EDRF1: variants seen among roughly 807,000 people sequenced by gnomAD.
EDRF1 encodes erythroid differentiation-related factor 1.
Under a neutral mutation model 148.7 loss-of-function variants are expected in EDRF1, and 69 were observed. That is an observed-to-expected ratio of 0.46 (90% CI 0.38 to 0.57). The LOEUF (loss-of-function observed/expected upper bound fraction) is 0.57, where lower values mean the gene tolerates loss of function less well. Among genes scored for constraint, EDRF1 ranks in the 20% least tolerant of loss-of-function variants. EDRF1 has a pLI of 0.00. For synonymous variants in EDRF1, 515 were observed against 532.8 expected, an observed-to-expected ratio of 0.97 and a Z score of 0.46; for missense variants, 1,118 against 1,478.7, an observed-to-expected ratio of 0.76 and a Z score of 4.00.
In EDRF1 at chr10:125,733,659, T is replaced by C. The variant is rs1464716625; in HGVS notation, c.1301T>C (p.Leu434Pro). Residue 434 changes from leucine to proline, a missense_variant, in exon 11 of 25, where the codon CTC (leucine) becomes CCC (proline). Leu to Pro is a moderately conservative substitution (Grantham distance 98). This residue lies in a region of EDRF1 where 954 missense variants were observed against 1,241.4 expected (regional missense o/e 0.77). Coordinates refer to ENST00000356792, the MANE Select transcript of EDRF1 (RefSeq NM_001202438.2). ...GCAAGTGGCAGCGATATAGTGAAGC[T>C]CTATGACCTCACTACTCTTTGTGAA... The part of the protein sequence containing the change: ...FKASGSDIVK[L>P]YDLTTLCEET... 1.2e-5 allele frequency: 19 copies of C among 1,613,428 alleles called. No homozygotes were observed. The highest frequency in any genetic ancestry group is 1.6e-5 in the Non-Finnish European group (19 of 1,179,572).
rs542193521 is a variant in EDRF1 at position 125,747,541 on chromosome 10, T to C, written c.2820T>C (p.Ile940=). ...PEEGLYYNKA[I]DYYLKALRSL... ...CACTGTTTTCTCCTTTGCAGGCTAT[T>C]GATTACTATTTGAAAGCGCTAAGGT... Residue 940 remains isoleucine (I), a synonymous_variant, in exon 20 of 25, where the codon ATT becomes ATC. Transcript: ENST00000356792. 1 of 1,614,052 alleles carries C rather than the reference T, an allele frequency of 6.2e-7. No individual in the cohort carries two copies. The highest frequency in any genetic ancestry group is 1.3e-5 in the African/African-American group (1 of 74,910).
intron 9 of EDRF1, chr10:125,731,906 C>A (rs983953632): frequency 1.8e-5 from 8 of 453,076 alleles, no homozygotes; most frequent in Non-Finnish European, 3.1e-5. Flanking sequence ...GAAAGAGAGA[C>A]TGAGGATCAA....
chr10:125,732,615 T>C (rs1476908354), intron 9 of EDRF1, among the ~76,000 whole-genome samples: 1 of 152,040 alleles, frequency 6.6e-6, no homozygotes, highest in Non-Finnish European at 1.5e-5. Flanking sequence ...CAGATTAAAA[T>C]ACAGGAAAGG....
At chr10:125,738,246 A>G (rs562373527) in intron 14 of EDRF1, 49 bp from the exon 15 acceptor site, 2 of 1,606,768 alleles carry the variant, frequency 1.2e-6, no homozygotes, top group East Asian at 4.5e-5. Flanking sequence ...TTTAGTTTTC[A>G]GTTGACCTGA....
chr10:125,746,387 C>T (rs555844526), intron 19 of EDRF1, among the ~76,000 whole-genome samples: 1 of 152,150 alleles, frequency 6.6e-6, no homozygotes, highest in East Asian at 1.9e-4. Flanking sequence ...TCTAAAAATG[C>T]TCAACAGAAA....
At chr10:125,747,364 T>A (rs370362451) in intron 19 of EDRF1, 172 bp from the exon 20 acceptor site, 90 of 761,240 alleles carry the variant, frequency 1.2e-4, no homozygotes, top group Admixed American at 9.4e-5. Flanking sequence ...ACTTTCTTCA[T>A]TGAAATATTT....
intron 19 of EDRF1, chr10:125,747,201 A>G (rs966502671): frequency 1.9e-5 from 5 of 257,860 alleles, no homozygotes; most frequent in East Asian, 1.9e-4. Context: ...TTTACTAGTT[A>G]TATAAACTGT....
intron 23 of EDRF1, among the ~76,000 whole-genome samples, chr10:125,753,236 C>T (rs1049383665): frequency 3.3e-5 from 5 of 152,276 alleles, no homozygotes; most frequent in South Asian, 4.2e-4. Flanking sequence ...AAGGCCTGTG[C>T]CCTCTTTTCT....
rs945554364 is a variant in EDRF1, at chr10:125,752,814, T to C, written c.3293T>C (p.Val1098Ala). ...EFQMTSQNSN[V>A]GKLKTLSGAL... ...AAAACTTTAGGTCAGAATAGCAATG[T>C]TGGAAAGTTGAAAACACTATCTGGG... Residue 1098 changes from valine to alanine, a missense_variant, in exon 23 of 25, where the codon GTT becomes GCT. Coordinates refer to ENST00000356792, the MANE Select transcript of EDRF1 (RefSeq NM_001202438.2). 6.2e-7 allele frequency: 1 copy of C among 1,612,968 alleles called. No individual in the cohort carries two copies. Among genetic ancestry groups the C allele is most frequent in the Non-Finnish European group, 8.5e-7 (1 of 1,179,042 alleles).
chr10:125,756,900 C>T, intron 24 of EDRF1: 1 of 409,424 alleles, frequency 2.4e-6, no homozygotes, highest in South Asian at 1.8e-5. Flanking sequence ...GCAGCCCCAA[C>T]TTCCTGGGCT....
chr10:125,727,436 AT>A (rs1485242910), intron 6 of EDRF1, among the ~76,000 whole-genome samples: 2 of 152,260 alleles, frequency 1.3e-5, no homozygotes, highest in Non-Finnish European at 2.9e-5. Context: ...TAGAGGTTAA[AT>A]AGGTGACTGT....
In EDRF1 at chr10:125,749,511, G is replaced by T. The variant is rs1359930800; in HGVS notation, c.3223G>T (p.Glu1075Ter). 1 of 1,614,020 alleles carries T rather than the reference G, an allele frequency of 6.2e-7. No individual in the cohort carries two copies. The highest frequency in any genetic ancestry group is 8.5e-7 in the Non-Finnish European group (1 of 1,180,038). ...LFQLLKDAPC[E>*]LLRVQLERVA... ...TCAGCTGCTGAAAGATGCTCCCTGC[G>T]AACTGCTTAGAGTACAGCTAGAGAG... The change falls in exon 22 of 25, where the codon GAA becomes TAA. Residue 1075 changes from glutamate (E) to a stop codon, truncating the protein, a stop_gained. Coordinates refer to ENST00000356792, the MANE Select transcript of EDRF1 (RefSeq NM_001202438.2). LOFTEE classifies it high-confidence loss of function.
intron 24 of EDRF1, among the ~76,000 whole-genome samples, chr10:125,755,567 G>A (rs1393519973): frequency 6.6e-6 from 1 of 152,150 alleles, no homozygotes; most frequent in Non-Finnish European, 1.5e-5. Flanking sequence ...TATAGAATTG[G>A]TACTATGTCT....
chr10:125,728,432 C>G (rs1296178789), intron 6 of EDRF1, among the ~76,000 whole-genome samples: 1 of 152,152 alleles, frequency 6.6e-6, no homozygotes, highest in Non-Finnish European at 1.5e-5. Context: ...TTCCCAGGAA[C>G]TAGTGTTCTG....
chr10:125,747,713 G>A lies in EDRF1; in HGVS notation c.2973+19G>A, dbSNP rs1849433787. The A allele has an allele frequency of 6.2e-7, 1 of 1,613,892 alleles. No homozygotes were observed. Among genetic ancestry groups the A allele is most frequent in the Non-Finnish European group, 8.5e-7 (1 of 1,179,902 alleles). On this transcript the variant is annotated intron_variant, in intron 20 of 24. Coordinates refer to ENST00000356792, the MANE Select transcript of EDRF1 (RefSeq NM_001202438.2). Reference sequence around the variant, plus strand: ...GGAGCAGGTGATAATATTTGCTGGAGTATAAAATAAGTTCTCAATCTAATT... The same window carrying A: ...GGAGCAGGTGATAATATTTGCTGGAATATAAAATAAGTTCTCAATCTAATT...
rs902450909 is a variant in EDRF1, at chr10:125,764,040, G to A, written c.*568G>A. ...GATTCACTTTTGACTTTATATGACA[G>A]TTGATCAAGAACAGGTACTACCCCT... is the stretch of plus-strand genomic sequence containing the variant. On this transcript the variant is annotated 3_prime_UTR_variant, in exon 25 of 25. Coordinates refer to ENST00000356792, the MANE Select transcript of EDRF1 (RefSeq NM_001202438.2). The A allele has an allele frequency of 1.3e-5, 2 of 154,244 alleles. No homozygotes were observed. Among genetic ancestry groups the A allele is most frequent in the African/African-American group, 4.8e-5 (2 of 41,448 alleles). The allele number at this position is 154,244 out of a possible 1,614,324, so 9.6% of individuals were successfully genotyped here.
At position 125,749,479 on chromosome 10, in the gene EDRF1, A is replaced by T. The variant is rs149263412; in HGVS notation, c.3191A>T (p.Lys1064Met). ...GATCTTCATTACAGCAAGGCCGCAA[A>T]GCTGTTTCAGCTGCTGAAAGATGCT... ...LADLHYSKAA[K>M]LFQLLKDAPC... The change falls in exon 22 of 25, where the codon AAG (lysine) becomes ATG (methionine). Residue 1064 changes from lysine to methionine, a missense_variant. Lys to Met is a moderately conservative substitution (Grantham distance 95). Coordinates refer to ENST00000356792, the MANE Select transcript of EDRF1 (RefSeq NM_001202438.2). 6.2e-7 allele frequency: 1 copy of T among 1,614,188 alleles called. No individual in the cohort carries two copies. Among genetic ancestry groups the T allele is most frequent in the African/African-American group, 1.3e-5 (1 of 75,052 alleles).
chr10:125,744,739 C>T (rs977864884), intron 18 of EDRF1: 1 of 152,164 alleles, frequency 6.6e-6, no homozygotes, highest in Admixed American at 6.6e-5. Context: ...TTTTTCTTTG[C>T]TTATTTTAAT....
At chr10:125,760,080 A>G (rs1251804184) in intron 24 of EDRF1, among the ~76,000 whole-genome samples, 1 of 152,234 alleles carries the variant, frequency 6.6e-6, no homozygotes, top group African/African-American at 2.4e-5. Context: ...GTGTTGATAC[A>G]CTCACTGTAA....
Sources: allele counts gnomAD v4.1 joint callset (sites outside exome capture counted in the v4.1 genomes callset), GRCh38; gene constraint gnomAD v4.1.1; regional missense constraint gnomAD v4.1.1; transcripts MANE v1.5; gene names NCBI Gene and HGNC (gene_info 2026-07-23, HGNC 2026-07-21).